The following TSPAN13 variants were observed in gnomAD, a reference collection of about 807,000 sequenced individuals.
TSPAN13 encodes tetraspanin-13.
TSPAN13 carries 18 observed loss-of-function variants against 26.9 expected under a neutral mutation model. The observed-to-expected ratio is 0.67, with a 90% CI of 0.46 to 0.99. TSPAN13 has a LOEUF of 0.99. TSPAN13 is among the 50% of genes least tolerant of loss of function. The pLI, the probability that TSPAN13 is intolerant of heterozygous loss-of-function variation, is 0.00. For missense variants in TSPAN13, 201 were observed against 249.6 expected, an observed-to-expected ratio of 0.81 and a Z score of 1.31; for synonymous variants, 116 against 98.4, an observed-to-expected ratio of 1.18 and a Z score of -1.06.
chr7:16,783,566 G>T lies in TSPAN13; in HGVS notation c.*75G>T, dbSNP rs1784838622. 2 of 1,387,660 alleles carry T rather than the reference G, an allele frequency of 1.4e-6. No individual in the cohort carries two copies. The highest frequency in any genetic ancestry group is 2.8e-5 in the African/African-American group (2 of 70,640). The allele number at this position is 1,387,660 out of a possible 1,614,324, so 86.0% of individuals were successfully genotyped here. A position where few individuals can be genotyped will look rare whatever the true frequency, so the allele number is the denominator to read the frequency against. ...TGTAATTTTCTGTTAAGCTCCATTT[G>T]CCAGTTTAAGGAAGGAAACACTATC... On this transcript the variant is annotated 3_prime_UTR_variant, in exon 6 of 6. Coordinates refer to ENST00000262067, the MANE Select transcript of TSPAN13 (RefSeq NM_014399.4).
rs762632809 is a variant in TSPAN13 at position 16,778,981 on chromosome 7, T to A, written c.427-22T>A. 9.1e-6 allele frequency: 14 copies of A among 1,540,116 alleles called. No homozygotes were observed. The African/African-American group carries it at 1.7e-4, about 18-fold the overall frequency. On this transcript the variant is annotated intron_variant, in intron 4 of 5. Transcript: ENST00000262067. ...TATAAATGTATTTTGAAATAAAGGTTTTTTTACTTTAATTGGTGCAGAGCT... is the reference window on the plus strand; with the variant it reads ...TATAAATGTATTTTGAAATAAAGGTATTTTTACTTTAATTGGTGCAGAGCT...
intron 4 of TSPAN13, among the ~76,000 whole-genome samples, chr7:16,778,268 T>G (rs1202116084): frequency 6.6e-6 from 1 of 152,244 alleles, no homozygotes; most frequent in African/African-American, 2.4e-5. Context: ...CTAAGCTGAA[T>G]ATTTCCTCAG....
intron 1 of TSPAN13, among the ~76,000 whole-genome samples, chr7:16,774,385 G>A (rs1284397883): frequency 6.6e-6 from 1 of 152,192 alleles, no homozygotes. Context: ...TTGGTACCAT[G>A]ATGCAGCAAG....
intron 3 of TSPAN13, 147 bp from the exon 4 acceptor site, chr7:16,777,651 C>T (rs1336400469): frequency 4.1e-6 from 2 of 493,518 alleles, no homozygotes; most frequent in Admixed American, 4.0e-5. Flanking sequence ...ATTTTTGCTG[C>T]AAACTGAGGA....
At chr7:16,781,643 A>G (rs1031911092) in intron 5 of TSPAN13, among the ~76,000 whole-genome samples, 3 of 152,190 alleles carry the variant, frequency 2.0e-5, no homozygotes, top group Non-Finnish European at 4.4e-5. Context: ...GCTCCGGATT[A>G]TGAGTATTTA....
chr7:16,760,179 T>C (rs528896187), intron 1 of TSPAN13, among the ~76,000 whole-genome samples: 6 of 152,244 alleles, frequency 3.9e-5, no homozygotes, highest in African/African-American at 1.4e-4. Flanking sequence ...AGGACTGATA[T>C]AGTCTGATTT....
chr7:16,778,446 T>C (rs1025998760), intron 4 of TSPAN13, among the ~76,000 whole-genome samples: 2 of 152,270 alleles, frequency 1.3e-5, no homozygotes, highest in African/African-American at 2.4e-5. Context: ...CAGGCTTGGC[T>C]GGGTCCTTTG....
At position 16,765,343 on chromosome 7, in the gene TSPAN13, A is replaced by G. The variant is rs539856272; in HGVS notation, c.64-10868A>G. On this transcript the variant is annotated intron_variant, in intron 1 of 5. Coordinates refer to ENST00000262067, the MANE Select transcript of TSPAN13 (RefSeq NM_014399.4). Reference sequence around the variant, plus strand: ...GTTTCGAGCTACCTGGGTTCAAGCAATCCTCCTTCCTCGGCATCCCAAAGT... The same window carrying G: ...GTTTCGAGCTACCTGGGTTCAAGCAGTCCTCCTTCCTCGGCATCCCAAAGT... Among the ~76,000 whole-genome samples the G allele has an allele frequency of 4.0e-5, 6 of 151,812 alleles. No homozygotes were observed. In the East Asian group the frequency reaches 7.8e-4, roughly 20 times the overall value.
intron 5 of TSPAN13, among the ~76,000 whole-genome samples, chr7:16,781,700 C>T (rs932131137): frequency 4.6e-5 from 7 of 152,160 alleles, no homozygotes; most frequent in Non-Finnish European, 1.0e-4. Context: ...TTTACCCTCT[C>T]AGCATATATC....
At chr7:16,782,479 T>C (rs1784824012) in intron 5 of TSPAN13, among the ~76,000 whole-genome samples, 1 of 152,226 alleles carries the variant, frequency 6.6e-6, no homozygotes, top group African/African-American at 2.4e-5. Flanking sequence ...ATTAAAATTT[T>C]GTATCTTTTT....
intron 1 of TSPAN13, among the ~76,000 whole-genome samples, chr7:16,755,412 T>G (rs1244915715): frequency 1.3e-5 from 2 of 152,142 alleles, no homozygotes. Context: ...GAAAAAAATT[T>G]TAGAACACCT....
At chr7:16,765,008 C>T (rs543141435) in intron 1 of TSPAN13, among the ~76,000 whole-genome samples, 1 of 152,010 alleles carries the variant, frequency 6.6e-6, no homozygotes, top group Non-Finnish European at 1.5e-5. Flanking sequence ...GTGATCCTGC[C>T]TCGGCCTCCC....
chr7:16,781,754 C>T (rs1263182610), intron 5 of TSPAN13, among the ~76,000 whole-genome samples: 2 of 152,134 alleles, frequency 1.3e-5, no homozygotes, highest in East Asian at 3.8e-4. Flanking sequence ...AAATTCTGAC[C>T]AGAAGCTCCC....
At chr7:16,756,917 A>G (rs1293815518) in intron 1 of TSPAN13, among the ~76,000 whole-genome samples, 1 of 152,206 alleles carries the variant, frequency 6.6e-6, no homozygotes, top group Non-Finnish European at 1.5e-5. Flanking sequence ...GTAAAAATCA[A>G]TGTGCTTTTA....
At chr7:16,771,949 A>C (rs1000541925) in intron 1 of TSPAN13, among the ~76,000 whole-genome samples, 1 of 152,124 alleles carries the variant, frequency 6.6e-6, no homozygotes, top group Non-Finnish European at 1.5e-5. Context: ...AAAAGAAAAA[A>C]ACCAGAACAG....
chr7:16,765,954 T>G (rs955733764), intron 1 of TSPAN13, among the ~76,000 whole-genome samples: 2 of 152,216 alleles, frequency 1.3e-5, no homozygotes. Context: ...TTGGAAGACC[T>G]CATATAATCT....
intron 1 of TSPAN13, among the ~76,000 whole-genome samples, chr7:16,768,747 T>C (rs1177954391): frequency 6.6e-6 from 1 of 152,240 alleles, no homozygotes; most frequent in East Asian, 1.9e-4. Context: ...AGGCTACTTA[T>C]TAAAGTCTAC....
rs756241170 is a variant in TSPAN13 at position 16,777,022 on chromosome 7, C to G, written c.232-20C>G. 3 of 1,502,834 alleles carry G rather than the reference C, an allele frequency of 2.0e-6. No individual in the cohort carries two copies. The highest frequency in any genetic ancestry group is 2.8e-6 in the Non-Finnish European group (3 of 1,081,110). 93.1% of individuals were successfully genotyped at this position (1,502,834 alleles called of 1,614,324 possible). A position where few individuals can be genotyped will look rare whatever the true frequency, so the allele number is the denominator to read the frequency against. On this transcript the variant is annotated intron_variant, in intron 2 of 5. Coordinates refer to ENST00000262067, the MANE Select transcript of TSPAN13 (RefSeq NM_014399.4). ...CCATTCTAAGAATATTTAGAAGTAT[C>G]CTTAACTTCTAACTCTCAGTATATG...
At chr7:16,774,424 A>G (rs552939499) in intron 1 of TSPAN13, among the ~76,000 whole-genome samples, 1 of 152,286 alleles carries the variant, frequency 6.6e-6, no homozygotes, top group East Asian at 1.9e-4. Context: ...CCTGCCACGC[A>G]TCATCCAGCA....
Sources: gnomAD v4.1 joint callset for allele counts (sites outside exome capture counted in the v4.1 genomes callset) on GRCh38, gnomAD v4.1.1 for gene constraint, MANE v1.5 for transcripts, NCBI Gene and HGNC (gene_info 2026-07-23, HGNC 2026-07-21) for gene names.